The following GREB1 variants were observed in gnomAD, a reference collection of about 807,000 sequenced individuals.
GREB1 encodes growth regulating estrogen receptor binding 1, also known as protein GREB1.
GREB1 carries 106 observed loss-of-function variants against 200.7 expected under a neutral mutation model. The ratio of observed to expected loss-of-function variants is 0.53; its 90% CI spans 0.45 to 0.62. The LOEUF is 0.62. Ranked by LOEUF, GREB1 falls within the 20% of genes least tolerant of loss-of-function variation. The pLI is 0.00. For synonymous variants in GREB1, 1,132 were observed against 1,092.4 expected (o/e 1.04, Z -0.72); for missense variants, 2,243 against 2,556.8 (o/e 0.88, Z 2.65).
At chr2:11,600,262 C>A (rs1265261071) in intron 15 of GREB1, among the ~76,000 whole-genome samples, 1 of 151,956 alleles carries the variant, frequency 6.6e-6, no homozygotes, top group Non-Finnish European at 1.5e-5. Flanking sequence ...TTTTTAATCC[C>A]CTAAACTTAC....
chr2:11,591,969 T>G (rs945592907), intron 10 of GREB1: 2 of 980,780 alleles, frequency 2.0e-6, no homozygotes, highest in African/African-American at 3.5e-5. Context: ...AGGACAGTTT[T>G]AATACTAATT....
At chr2:11,562,156 T>G (rs1488841066) in intron 2 of GREB1, among the ~76,000 whole-genome samples, 1 of 152,024 alleles carries the variant, frequency 6.6e-6, no homozygotes, top group Non-Finnish European at 1.5e-5. Context: ...GAATTTGGAG[T>G]CATGAGGCCC....
chr2:11,592,651 C>G, intron 10 of GREB1, 125 bp from the exon 11 acceptor site: 4 of 597,152 alleles, frequency 6.7e-6, no homozygotes, highest in Non-Finnish European at 1.1e-5. Flanking sequence ...TCCCCTCGTG[C>G]TCCAGCCATC....
intron 25 of GREB1, 98 bp downstream of exon 25, chr2:11,627,202 G>A: frequency 8.6e-7 from 1 of 1,160,646 alleles, no homozygotes; most frequent in Non-Finnish European, 1.2e-6. Context: ...GAGATAGAGA[G>A]TTCTGGAAGC....
chr2:11,571,254 G>A (rs1678255199), intron 4 of GREB1, among the ~76,000 whole-genome samples: 1 of 152,110 alleles, frequency 6.6e-6, no homozygotes, highest in South Asian at 2.1e-4. Flanking sequence ...TATAGTGTGT[G>A]CTCGTCTGAG....
intron 26 of GREB1, 101 bp from the exon 27 acceptor site, chr2:11,631,808 G>T (rs1382635258): frequency 2.3e-6 from 2 of 881,074 alleles, no homozygotes; most frequent in Non-Finnish European, 3.7e-6. Flanking sequence ...TGTAGGCATG[G>T]TCATCATTCT....
Position 11,610,709 on chromosome 2 carries a change from G to T in GREB1, c.2688G>T (p.Ala896=), listed in dbSNP as rs779389270. 1 of 1,612,762 alleles carries T rather than the reference G, an allele frequency of 6.2e-7. No individual in the cohort carries two copies. Among genetic ancestry groups the T allele is most frequent in the Non-Finnish European group, 8.5e-7 (1 of 1,179,796 alleles). ...GCAGGTTCCCCCGCCTGCACAGCGC[G>T]GTGATCAGGACCTTTGTTCTCGTGC... is the stretch of plus-strand genomic sequence containing the variant. ...LGKRFPRLHS[A]VIRTFVLVQH... The change falls in exon 18 of 33, where the codon GCG becomes GCT. Residue 896 remains alanine, a synonymous_variant. Transcript: ENST00000381486.
chr2:11,640,437 A>G lies in GREB1; in HGVS notation c.5833A>G (p.Thr1945Ala). 1 of 1,608,100 alleles carries G rather than the reference A, an allele frequency of 6.2e-7. No homozygotes were observed. Among genetic ancestry groups the G allele is most frequent in the Non-Finnish European group, 8.5e-7 (1 of 1,176,524 alleles). Residue 1945 changes from threonine to alanine, a missense_variant, in exon 33 of 33, where the codon ACG becomes GCG. Thr to Ala is a moderately conservative substitution (Grantham distance 58). Around this residue, in one of 3 missense-constraint regions of GREB1, gnomAD observed 478 missense variants for 616.3 expected, o/e 0.78. Transcript: ENST00000381486. The surrounding 1 kb of genome is among the most constrained non-coding windows in gnomAD (Gnocchi z 4.6). ...GGAAGACCGGCCGCTCTTTTTTCTG[A>G]CGGGACGACACATCTGAGGAAGACA... ...AREDRPLFFL[T>A]GRHI
At chr2:11,532,900 G>A (rs1219693885), upstream of GREB1, among the ~76,000 whole-genome samples, 1 of 152,196 alleles carries the variant, frequency 6.6e-6, no homozygotes, top group East Asian at 1.9e-4. Flanking sequence ...TACGGTCCTG[G>A]TGTCATGGAA....
At chr2:11,613,735 T>C (rs979931732) in intron 19 of GREB1, among the ~76,000 whole-genome samples, 8 of 152,252 alleles carry the variant, frequency 5.3e-5, no homozygotes, top group African/African-American at 1.9e-4. Flanking sequence ...ATTTGCTGAA[T>C]ACCAGGTACC....
intron 22 of GREB1, among the ~76,000 whole-genome samples, chr2:11,619,178 G>A (rs968568677): frequency 1.3e-5 from 2 of 152,170 alleles, no homozygotes; most frequent in African/African-American, 2.4e-5. Flanking sequence ...TCAGACTACG[G>A]TTCCTCAATC....
rs1220803399 is a variant in GREB1, at chr2:11,633,213, C to G, written c.4991+150C>G. On this transcript the variant is annotated intron_variant, in intron 28 of 32. Coordinates refer to ENST00000381486, the MANE Select transcript of GREB1 (RefSeq NM_014668.4). The surrounding 1 kb of genome is among the most constrained non-coding windows in gnomAD (Gnocchi z 4.1). ...GGTTGTGGTTGTGGTTCCCAGAGTC[C>G]TGGGTGTGGTAAAAGTGAGCTCATG... 2 of 745,218 alleles carry G rather than the reference C, an allele frequency of 2.7e-6. No homozygotes were observed. Among genetic ancestry groups the G allele is most frequent in the Non-Finnish European group, 4.4e-6 (2 of 453,186 alleles). The allele number at this position is 745,218 out of a possible 1,614,324, so 46.2% of individuals were successfully genotyped here. A position where few individuals can be genotyped will look rare whatever the true frequency, so the allele number is the denominator to read the frequency against.
At chr2:11,519,698 C>CACCT (rs1379668243) in intron 1 of GREB1, among the ~76,000 whole-genome samples, 1 of 152,006 alleles carries the variant, frequency 6.6e-6, no homozygotes, top group Admixed American at 6.6e-5. Context: ...TCAGGTGATC[C>CACCT]ACCTGCCTTG....
At chr2:11,635,515 G>A in intron 30 of GREB1, 110 bp downstream of exon 30, 1 of 1,285,644 alleles carries the variant, frequency 7.8e-7, no homozygotes, top group Non-Finnish European at 1.1e-6. Flanking sequence ...TCAAGCGCAT[G>A]GGGCAGGGCC....
chr2:11,622,356 C>T (rs1247651278), intron 23 of GREB1, among the ~76,000 whole-genome samples: 1 of 152,244 alleles, frequency 6.6e-6, no homozygotes, highest in Non-Finnish European at 1.5e-5. Context: ...TCTGGGATTA[C>T]AGGTGTGAGC....
At chr2:11,522,529 G>C (rs1023368683) in intron 1 of GREB1, among the ~76,000 whole-genome samples, 1 of 152,154 alleles carries the variant, frequency 6.6e-6, no homozygotes, top group African/African-American at 2.4e-5. Context: ...ACTCGCAGCA[G>C]GAACCTACAA....
intron 1 of GREB1, among the ~76,000 whole-genome samples, chr2:11,538,864 C>T (rs1036814550): frequency 4.7e-5 from 6 of 126,412 alleles, no homozygotes; most frequent in African/African-American, 1.8e-4. Flanking sequence ...TTCCTCCCTC[C>T]GTCCCTCCCT....
chr2:11,595,185 C>G (rs1681098315), intron 11 of GREB1, 66 bp from the exon 12 acceptor site: 2 of 1,466,238 alleles, frequency 1.4e-6, no homozygotes, highest in East Asian at 4.9e-5. Flanking sequence ...AGGGACTAGT[C>G]TAGGGCTACA....
intron 3 of GREB1, 121 bp from the exon 4 acceptor site, chr2:11,566,359 C>T: frequency 1.1e-6 from 1 of 912,830 alleles, no homozygotes; most frequent in Non-Finnish European, 1.6e-6. Context: ...ATTTTGAGGT[C>T]AAGCACACCC....
Sources: gnomAD v4.1 joint callset for allele counts (sites outside exome capture counted in the v4.1 genomes callset) on GRCh38, gnomAD v4.1.1 for gene constraint, gnomAD v4.1.1 regional missense constraint, Gnocchi (gnomAD v3.1) non-coding constraint, MANE v1.5 for transcripts, NCBI Gene and HGNC (gene_info 2026-07-23, HGNC 2026-07-21) for gene names.